The following L3MBTL4 variants were observed in gnomAD, a reference collection of about 807,000 sequenced individuals.
The protein encoded by L3MBTL4 is lethal(3)malignant brain tumor-like protein 4.
In L3MBTL4, 70 loss-of-function variants were observed where a neutral mutation model predicts 84.5. That is an observed-to-expected ratio of 0.83 (90% CI 0.68 to 1.01). The LOEUF (loss-of-function observed/expected upper bound fraction) is 1.01. L3MBTL4 is among the 50% of genes least tolerant of loss of function. The probability of loss-of-function intolerance (pLI) is 0.00; values close to 1 mark genes in which losing one functional copy is unlikely to be tolerated. For missense variants in L3MBTL4, 715 were observed against 754.8 expected, an observed-to-expected ratio of 0.95 and a Z score of 0.62; for synonymous variants, 274 against 259.8, an observed-to-expected ratio of 1.05 and a Z score of -0.52.
At chr18:6,058,108 G>A (rs578044510) in intron 16 of L3MBTL4, among the ~76,000 whole-genome samples, 102 of 152,250 alleles carry the variant, frequency 6.7e-4, no homozygotes, top group Non-Finnish European at 1.2e-3. Context: ...CCAATGATAC[G>A]TGTGGGAATC....
intron 14 of L3MBTL4, among the ~76,000 whole-genome samples, chr18:6,119,523 G>A (rs2059461971): frequency 6.6e-6 from 1 of 152,220 alleles, no homozygotes. Flanking sequence ...AAGAGGCAGG[G>A]TGTTAGGCTT....
At chr18:6,080,339 A>G (rs2058033216) in intron 16 of L3MBTL4, among the ~76,000 whole-genome samples, 1 of 152,252 alleles carries the variant, frequency 6.6e-6, no homozygotes. Context: ...AGCTTGGTAC[A>G]ATATAATCCA....
intron 12 of L3MBTL4, among the ~76,000 whole-genome samples, chr18:6,199,963 G>C (rs1183777260): frequency 6.6e-6 from 1 of 152,212 alleles, no homozygotes; most frequent in Non-Finnish European, 1.5e-5. Context: ...CTGTCAGGCA[G>C]GACAGGCAGG....
chr18:6,378,853 A>G (rs2054480991), intron 1 of L3MBTL4, among the ~76,000 whole-genome samples: 1 of 152,164 alleles, frequency 6.6e-6, no homozygotes, highest in Non-Finnish European at 1.5e-5. Context: ...CAATTCCGTG[A>G]AGAAAGTCAA....
At chr18:6,318,361 C>T (rs1313183394) in intron 1 of L3MBTL4, among the ~76,000 whole-genome samples, 5 of 151,414 alleles carry the variant, frequency 3.3e-5, no homozygotes, top group African/African-American at 1.2e-4. Context: ...TTTAGAAACC[C>T]ACTTAATATG....
chr18:6,203,719 A>G (rs1386539737), intron 12 of L3MBTL4, among the ~76,000 whole-genome samples: 1 of 152,206 alleles, frequency 6.6e-6, no homozygotes, highest in Non-Finnish European at 1.5e-5. Context: ...CAGTGCACAT[A>G]CAAACCAGGT....
At chr18:6,291,612 T>G (rs1185264837) in intron 4 of L3MBTL4, among the ~76,000 whole-genome samples, 1 of 152,152 alleles carries the variant, frequency 6.6e-6, no homozygotes, top group East Asian at 1.9e-4. Context: ...GACATTCGCT[T>G]CAATAAATGG....
At chr18:6,221,717 G>A (rs574730065) in intron 10 of L3MBTL4, among the ~76,000 whole-genome samples, 5 of 152,288 alleles carry the variant, frequency 3.3e-5, no homozygotes, top group South Asian at 2.1e-4. Context: ...GTACCAGTGC[G>A]GCCCTGGCTA....
At chr18:6,005,428 T>G (rs1385819968) in intron 16 of L3MBTL4, among the ~76,000 whole-genome samples, 2 of 152,096 alleles carry the variant, frequency 1.3e-5, no homozygotes, top group Non-Finnish European at 2.9e-5. Flanking sequence ...TACAGATTAT[T>G]TCACCACCCA....
rs16949567 is a variant in L3MBTL4, at chr18:6,178,829, C to A, written c.982-6887G>T. Among the ~76,000 whole-genome samples the A allele has an allele frequency of 7.4e-3, 1,130 of 152,348 alleles. 15 individuals are homozygous for A. The highest frequency in any genetic ancestry group is 0.026 in the African/African-American group (1,086 of 41,566). ...TAAATCCCACACTTCCAGCCGTCTG[C>A]ACCAACACAGTCTCTGCTTTTCCTT... On this transcript the variant is annotated intron_variant, in intron 12 of 18. Coordinates refer to ENST00000317931, the MANE Select transcript of L3MBTL4 (RefSeq NM_001330559.2).
chr18:6,190,858 G>A (rs536375537), intron 12 of L3MBTL4, among the ~76,000 whole-genome samples: 15 of 152,264 alleles, frequency 9.9e-5, no homozygotes, highest in South Asian at 2.1e-4. Context: ...AGATTTGGGC[G>A]TATGGGGAAG....
chr18:6,123,786 C>T (rs1223704401), intron 14 of L3MBTL4, among the ~76,000 whole-genome samples: 1 of 152,206 alleles, frequency 6.6e-6, no homozygotes, highest in Non-Finnish European at 1.5e-5. Flanking sequence ...TGTCCTTTGT[C>T]CTACTACCTG....
intron 1 of L3MBTL4, among the ~76,000 whole-genome samples, chr18:6,349,709 G>A (rs1055098818): frequency 7.2e-5 from 11 of 151,984 alleles, no homozygotes; most frequent in Admixed American, 4.6e-4. Context: ...GACAGAATGA[G>A]ACCCTGTTTC....
intron 16 of L3MBTL4, among the ~76,000 whole-genome samples, chr18:6,026,422 T>C (rs1332549383): frequency 6.6e-6 from 1 of 152,224 alleles, no homozygotes; most frequent in Non-Finnish European, 1.5e-5. Context: ...GTAATGACTT[T>C]AGCAAGAAGT....
At chr18:6,141,656 A>G (rs1191292233) in intron 13 of L3MBTL4, among the ~76,000 whole-genome samples, 1 of 152,004 alleles carries the variant, frequency 6.6e-6, no homozygotes, top group Non-Finnish European at 1.5e-5. Flanking sequence ...ATCGGTCCTC[A>G]ATTTTTCAAA....
intron 1 of L3MBTL4, among the ~76,000 whole-genome samples, chr18:6,340,545 A>C (rs568375083): frequency 3.5e-4 from 53 of 152,176 alleles, no homozygotes; most frequent in Non-Finnish European, 6.8e-4. Context: ...GGATGAGTAC[A>C]ATAGCATCAT....
chr18:6,009,976 G>A (rs1045199842), intron 16 of L3MBTL4, among the ~76,000 whole-genome samples: 4 of 152,070 alleles, frequency 2.6e-5, no homozygotes, highest in Non-Finnish European at 5.9e-5. Context: ...TAGTTCCTTA[G>A]TCATCTTATC....
At chr18:6,132,065 C>T (rs968927149) in intron 14 of L3MBTL4, among the ~76,000 whole-genome samples, 6 of 152,140 alleles carry the variant, frequency 3.9e-5, no homozygotes, top group Non-Finnish European at 8.8e-5. Context: ...TCCACACTCT[C>T]CAATGATACC....
At position 6,405,321 on chromosome 18, in the gene L3MBTL4, A is replaced by G. The variant is rs1024997346; in HGVS notation, c.-91+9480T>C. On this transcript the variant is annotated intron_variant, in intron 1 of 18. Coordinates refer to ENST00000317931, the MANE Select transcript of L3MBTL4 (RefSeq NM_001330559.2). Reference sequence around the variant, plus strand: ...GCACTTTTCCTTCCCTCCATAACACATGGTCTCTGGAGGGAGCGCAATGCG... The same window carrying G: ...GCACTTTTCCTTCCCTCCATAACACGTGGTCTCTGGAGGGAGCGCAATGCG... 6.6e-5 allele frequency among the ~76,000 whole-genome samples: 10 copies of G among 152,124 alleles called. No homozygotes were observed. The South Asian group carries it at 1.4e-3, about 22-fold the overall frequency.
Sources: gnomAD v4.1 joint callset for allele counts (sites outside exome capture counted in the v4.1 genomes callset) on GRCh38, gnomAD v4.1.1 for gene constraint, MANE v1.5 for transcripts, NCBI Gene and HGNC (gene_info 2026-07-23, HGNC 2026-07-21) for gene names.